Variants in INSL6 observed in about 807,000 individuals in gnomAD.
The protein encoded by INSL6 is insulin like 6.
In INSL6, 16 loss-of-function variants were observed where a neutral mutation model predicts 9.4. The observed-to-expected ratio is 1.70, with a 90% CI of 1.15 to 2.59. The LOEUF is 2.59. Among genes scored for constraint, INSL6 ranks in the 30% most tolerant of loss-of-function variants. The pLI is 0.00. For synonymous variants in INSL6, 154 were observed against 96.9 expected, an observed-to-expected ratio of 1.59 and a Z score of -3.46; for missense variants, 391 against 257.3, an observed-to-expected ratio of 1.52 and a Z score of -3.56.
chr9:5,036,037 A>T, the INSL6 span, among the ~76,000 whole-genome samples: 1 of 152,250 alleles, frequency 6.6e-6, no homozygotes, highest in African/African-American at 2.4e-5. Context: ...GCAAAGTCTC[A>T]GCATACAAAA....
At chr9:5,066,256 A>G in the INSL6 span, among the ~76,000 whole-genome samples, 2 of 152,162 alleles carry the variant, frequency 1.3e-5, no homozygotes, top group Non-Finnish European at 2.9e-5. Context: ...CGTACTGAAT[A>G]ATAAAATCAT....
chr9:5,156,355 A>G (rs1824814462), intron 2 of INSL6, among the ~76,000 whole-genome samples: 1 of 152,214 alleles, frequency 6.6e-6, no homozygotes, highest in Non-Finnish European at 1.5e-5. Context: ...CATTACTCTG[A>G]TATCAGAACC....
chr9:5,054,747 A>G, the INSL6 span: 3 of 1,613,408 alleles, frequency 1.9e-6, no homozygotes, highest in South Asian at 2.2e-5. The surrounding 1 kb of genome is among the most constrained non-coding windows in gnomAD (Gnocchi z 4.9). Flanking sequence ...TGCCTTCTAC[A>G]CAGAGAAATT....
At chr9:5,077,504 A>G in the INSL6 span, 2 of 1,435,472 alleles carry the variant, frequency 1.4e-6, no homozygotes, top group South Asian at 1.5e-5. Flanking sequence ...ACATATCTGA[A>G]AAAGAATAAA....
At chr9:4,999,677 C>T in the INSL6 span, among the ~76,000 whole-genome samples, 2 of 152,180 alleles carry the variant, frequency 1.3e-5, no homozygotes, top group South Asian at 2.1e-4. Flanking sequence ...GGGCAGGAAG[C>T]GTCTTGGCTA....
downstream of INSL6, among the ~76,000 whole-genome samples, chr9:5,121,596 G>A (rs1025414111): frequency 2.6e-5 from 4 of 152,140 alleles, no homozygotes; most frequent in East Asian, 5.8e-4. Flanking sequence ...ATAGTTACAC[G>A]TTCTTGAGAA....
chr9:5,008,967 C>A, the INSL6 span, among the ~76,000 whole-genome samples: 1 of 152,098 alleles, frequency 6.6e-6, no homozygotes, highest in Admixed American at 6.5e-5. Context: ...TCTTGACTGT[C>A]TTCCAAATTA....
rs1491114632 is a variant in INSL6 at position 5,131,459 on chromosome 9, CAG to C, written c.*10+1964_*10+1965del. Among the ~76,000 whole-genome samples, 41 of 61,538 alleles carry C rather than the reference CAG, an allele frequency of 6.7e-4. No individual in the cohort carries two copies. In the East Asian group the frequency reaches 0.014, roughly 21 times the overall value. 40.4% of individuals were successfully genotyped at this position (61,538 alleles called of 152,430 possible). A position where few individuals can be genotyped will look rare whatever the true frequency, so the allele number is the denominator to read the frequency against. On this transcript the variant is annotated intron_variant, in intron 3 of 3. Transcript: ENST00000649639. Reference sequence around the variant, plus strand: ...AATTTTTTTTTTTTTTTTTTTGAGACAGAGTTTTGCTCTTGTCGTCCAGGCTG... The same window carrying C: ...AATTTTTTTTTTTTTTTTTTTGAGACAGTTTTGCTCTTGTCGTCCAGGCTG...
At chr9:5,117,509 G>GT in the INSL6 span, among the ~76,000 whole-genome samples, 1 of 152,140 alleles carries the variant, frequency 6.6e-6, no homozygotes, top group African/African-American at 2.4e-5. Context: ...CATAAGTATA[G>GT]TTTTCCAGAG....
chr9:5,101,907 C>T, the INSL6 span, among the ~76,000 whole-genome samples: 1 of 152,246 alleles, frequency 6.6e-6, no homozygotes, highest in East Asian at 1.9e-4. Flanking sequence ...GTTACCAGCA[C>T]CAAAGACCAA....
intron 2 of INSL6, among the ~76,000 whole-genome samples, chr9:5,158,522 T>G (rs1195986720): frequency 1.3e-5 from 2 of 152,166 alleles, no homozygotes; most frequent in Non-Finnish European, 2.9e-5. Flanking sequence ...AACTTCAACA[T>G]GTCTGGTAAC....
chr9:5,029,727 T>C, the INSL6 span: 10 of 1,442,566 alleles, frequency 6.9e-6, no homozygotes, highest in Non-Finnish European at 9.4e-6. Flanking sequence ...ATAGGTGCTA[T>C]GTAAAAATAT....
intron 1 of INSL6, among the ~76,000 whole-genome samples, chr9:5,166,432 A>G (rs937488467): frequency 4.6e-5 from 7 of 152,196 alleles, no homozygotes; most frequent in African/African-American, 1.7e-4. Flanking sequence ...AAAGAATAAG[A>G]TAGAACTCTA....
chr9:5,093,271 T>C, the INSL6 span, among the ~76,000 whole-genome samples: 6 of 152,272 alleles, frequency 3.9e-5, no homozygotes, highest in South Asian at 1.2e-3. Flanking sequence ...CGGCAAATCT[T>C]ACCCCACCTG....
the INSL6 span, among the ~76,000 whole-genome samples, chr9:5,087,230 A>AACTT: frequency 6.6e-6 from 1 of 152,184 alleles, no homozygotes; most frequent in African/African-American, 2.4e-5. Flanking sequence ...GGCCTCAGGA[A>AACTT]ACTTACAGTC....
the INSL6 span, among the ~76,000 whole-genome samples, chr9:5,026,128 C>T: frequency 5.9e-5 from 9 of 152,096 alleles, no homozygotes; most frequent in Non-Finnish European, 8.8e-5. Context: ...TGGGATTACT[C>T]TATTGTCTTC....
the INSL6 span, among the ~76,000 whole-genome samples, chr9:5,102,991 G>C: frequency 6.6e-6 from 1 of 151,684 alleles, no homozygotes; most frequent in Admixed American, 6.6e-5. Flanking sequence ...ATCAACTAAC[G>C]GGCAAAATAA....
downstream of INSL6, chr9:5,123,035 T>A: frequency 6.2e-7 from 1 of 1,611,348 alleles, no homozygotes; most frequent in Non-Finnish European, 8.5e-7. Flanking sequence ...AGAGAGCAAG[T>A]TTTCTGTGGC....
chr9:5,069,041 A>G, the INSL6 span: 1 of 1,594,908 alleles, frequency 6.3e-7, no homozygotes, highest in Non-Finnish European at 8.5e-7. Flanking sequence ...GTCATTGAAT[A>G]TAAACACTGT....
Sources: gnomAD v4.1 joint callset for allele counts (sites outside exome capture counted in the v4.1 genomes callset) on GRCh38, gnomAD v4.1.1 for gene constraint, Gnocchi (gnomAD v3.1) non-coding constraint, MANE v1.5 for transcripts, NCBI Gene and HGNC (gene_info 2026-07-23, HGNC 2026-07-21) for gene names.